Variants in UBN2 observed in about 807,000 individuals in gnomAD.
The protein encoded by UBN2 is ubinuclein 2.
Under a neutral mutation model 120.2 loss-of-function variants are expected in UBN2, and 35 were observed. The ratio of observed to expected loss-of-function variants is 0.29; its 90% confidence interval spans 0.22 to 0.39. The LOEUF is 0.39. Ranked by LOEUF, UBN2 falls within the 10% of genes least tolerant of loss-of-function variation. The pLI, the probability that UBN2 is intolerant of heterozygous loss-of-function variation, is 1.00. For synonymous variants in UBN2, 661 were observed against 648.7 expected (o/e 1.02, Z -0.29); for missense variants, 1,693 against 1,663.2 (o/e 1.02, Z -0.31).
intron 6 of UBN2, among the ~76,000 whole-genome samples, chr7:139,265,969 C>T (rs539328635): frequency 2.0e-5 from 3 of 152,064 alleles, no homozygotes; most frequent in Admixed American, 2.0e-4. Context: ...CTGCAGGAAA[C>T]TTACACAATA....
At chr7:139,327,528 CA>C in the UBN2 span, among the ~76,000 whole-genome samples, 20 of 152,110 alleles carry the variant, frequency 1.3e-4, no homozygotes, top group Non-Finnish European at 1.9e-4. Context: ...GGCAAGAAAG[CA>C]AAAGGGGCCC....
chr7:139,279,813 T>C (rs1173139569), intron 13 of UBN2, among the ~76,000 whole-genome samples: 1 of 152,182 alleles, frequency 6.6e-6, no homozygotes, highest in African/African-American at 2.4e-5. Context: ...TTCTTGGGCT[T>C]GTACAGGTTA....
Position 139,306,117 on chromosome 7 carries a change from A to G in UBN2, c.*8281A>G, listed in dbSNP as rs1341931842. ...ACAAACAAGATAACTATTACCCAAG[A>G]TAACATGGAAATACTTCTGTTTTTG... On this transcript the variant is annotated 3_prime_UTR_variant, in exon 18 of 18. Coordinates refer to ENST00000473989, the MANE Select transcript of UBN2 (RefSeq NM_173569.4). 2.0e-5 allele frequency: 3 copies of G among 152,252 alleles called. No individual in the cohort carries two copies. Among genetic ancestry groups the G allele is most frequent in the African/African-American group, 7.2e-5 (3 of 41,470 alleles). The allele number at this position is 152,252 out of a possible 1,614,324, so 9.4% of individuals were successfully genotyped here.
At position 139,305,465 on chromosome 7, in the gene UBN2, CT is replaced by C. The variant is rs1457188255; in HGVS notation, c.*7632del. 1 of 152,192 alleles carries C rather than the reference CT, an allele frequency of 6.6e-6. No homozygotes were observed. Among genetic ancestry groups the C allele is most frequent in the Non-Finnish European group, 1.5e-5 (1 of 68,042 alleles). 9.4% of individuals were successfully genotyped at this position (152,192 alleles called of 1,614,324 possible). On this transcript the variant is annotated 3_prime_UTR_variant, in exon 18 of 18. Transcript: ENST00000473989. ...ACTCTCAGGATTTTAATCAGACTGC[CT>C]TTGAATAATGTGATATTAAATTTTA...
At chr7:139,233,365 A>G (rs1796078827) in intron 1 of UBN2, among the ~76,000 whole-genome samples, 1 of 152,172 alleles carries the variant, frequency 6.6e-6, no homozygotes, top group South Asian at 2.1e-4. Context: ...CAAACATTGT[A>G]TTTGAGCTGC....
At chr7:139,237,901 G>A (rs1796209025) in intron 2 of UBN2, among the ~76,000 whole-genome samples, 1 of 152,200 alleles carries the variant, frequency 6.6e-6, no homozygotes, top group African/African-American at 2.4e-5. Context: ...ACCAGCATGA[G>A]ACTTCTTTGA....
chr7:139,294,155 G>T (rs1483721217), intron 17 of UBN2, among the ~76,000 whole-genome samples, 174 bp downstream of exon 17: 2 of 152,162 alleles, frequency 1.3e-5, no homozygotes, highest in Non-Finnish European at 2.9e-5. Context: ...AAGGAAATAG[G>T]TAGATGAGAT....
chr7:139,309,743 C>G (rs532451566), downstream of UBN2, among the ~76,000 whole-genome samples: 1 of 152,264 alleles, frequency 6.6e-6, no homozygotes, highest in South Asian at 2.1e-4. Flanking sequence ...TGGTGGCAAA[C>G]ACCTGTAATC....
At chr7:139,295,610 A>T (rs1798088225) in intron 17 of UBN2, among the ~76,000 whole-genome samples, 1 of 152,244 alleles carries the variant, frequency 6.6e-6, no homozygotes, top group Admixed American at 6.5e-5. Context: ...TTTCCAAATA[A>T]CTAAAGTTAA....
rs1387887266 is a variant in UBN2, at chr7:139,302,998, TG to T, written c.*5163del. The stretch of plus-strand genomic sequence containing the variant: ...GGCTAGCGTTAGAACCGCAGTTTGG[TG>T]TCTAAGTTTAGAAGCAGGTTAGCAA... On this transcript the variant is annotated 3_prime_UTR_variant, in exon 18 of 18. Coordinates refer to ENST00000473989, the MANE Select transcript of UBN2 (RefSeq NM_173569.4). 1.3e-5 allele frequency: 2 copies of T among 152,200 alleles called. No individual in the cohort carries two copies. Among genetic ancestry groups the T allele is most frequent in the African/African-American group, 4.8e-5 (2 of 41,444 alleles). 9.4% of individuals were successfully genotyped at this position (152,200 alleles called of 1,614,324 possible).
the UBN2 span, among the ~76,000 whole-genome samples, chr7:139,322,231 C>T: frequency 5.3e-5 from 8 of 152,150 alleles, no homozygotes; most frequent in Non-Finnish European, 1.2e-4. Context: ...ACCTCGGCCT[C>T]CCAAAGTGCT....
At chr7:139,272,483 G>GTGTATGTACGTTA (rs67278063) in intron 9 of UBN2, 43 bp downstream of exon 9, 176 of 1,360,448 alleles carry the variant, frequency 1.3e-4, no homozygotes, top group Admixed American at 3.6e-4. Context: ...CATTTGAGAA[G>GTGTATGTACGTTA]TGTATGTACG....
At chr7:139,256,984 A>G (rs961034681) in intron 3 of UBN2, among the ~76,000 whole-genome samples, 10 of 152,244 alleles carry the variant, frequency 6.6e-5, no homozygotes, top group Non-Finnish European at 1.5e-4. Context: ...TAGGATATGT[A>G]TATTCCTTGC....
chr7:139,286,120 G>A (rs980643242), intron 15 of UBN2, among the ~76,000 whole-genome samples: 5 of 152,162 alleles, frequency 3.3e-5, no homozygotes, highest in African/African-American at 9.7e-5. Flanking sequence ...TAGAGACAGT[G>A]TATTGCCATG....
intron 2 of UBN2, among the ~76,000 whole-genome samples, chr7:139,245,411 T>A (rs112816900): frequency 0.018 from 2,802 of 152,262 alleles, 68 homozygotes; most frequent in African/African-American, 0.056. Context: ...GCTTTAAGTC[T>A]TTTATTTGCT....
intron 6 of UBN2, 84 bp from the exon 7 acceptor site, chr7:139,266,246 GAAA>G (rs974367743): frequency 1.9e-6 from 1 of 518,096 alleles, no homozygotes; most frequent in Non-Finnish European, 3.2e-6. Flanking sequence ...AAAAAAAAAA[GAAA>G]AAAACCTTTG....
chr7:139,283,939 A>T lies in UBN2; in HGVS notation c.3034A>T (p.Asn1012Tyr). ...RTVPSTTTSS[N>Y]YLAKAMVSQI... ...AGTACCTAGCACCACTACCTCCAGT[A>T]ACTATTTAGCCAAGGCTATGGTGTC... Residue 1012 changes from asparagine to tyrosine, a missense_variant, in exon 15 of 18, where the codon AAC (asparagine) becomes TAC (tyrosine). Transcript: ENST00000473989. 1.2e-6 allele frequency: 2 copies of T among 1,613,998 alleles called. No individual in the cohort carries two copies. The highest frequency in any genetic ancestry group is 1.7e-6 in the Non-Finnish European group (2 of 1,179,998).
chr7:139,268,159 C>G (rs1285348411), intron 7 of UBN2, among the ~76,000 whole-genome samples: 2 of 152,324 alleles, frequency 1.3e-5, no homozygotes, highest in East Asian at 3.9e-4. Context: ...ATCAGCATTC[C>G]ATTAACAGGC....
chr7:139,288,725 C>T (rs574005165), intron 15 of UBN2, among the ~76,000 whole-genome samples: 50 of 152,058 alleles, frequency 3.3e-4, no homozygotes, highest in African/African-American at 1.1e-3. Context: ...TAATTGCGGC[C>T]GGTCGTGGTG....
Sources: allele counts gnomAD v4.1 joint callset (sites outside exome capture counted in the v4.1 genomes callset), GRCh38; gene constraint gnomAD v4.1.1; transcripts MANE v1.5; gene names NCBI Gene and HGNC (gene_info 2026-07-23, HGNC 2026-07-21).